Variants in NLGN4X observed in about 807,000 individuals in gnomAD.
The protein encoded by NLGN4X is neuroligin 4 X-linked.
In NLGN4X, 3 loss-of-function variants were observed where a neutral mutation model predicts 40.3. That is an observed-to-expected ratio of 0.07 (90% CI 0.03 to 0.19). NLGN4X has a LOEUF of 0.19. Among genes scored for constraint, NLGN4X ranks in the 10% least tolerant of loss-of-function variants. The pLI, the probability that NLGN4X is intolerant of heterozygous loss-of-function variation, is 1.00. For missense variants in NLGN4X, 382 were observed against 708.3 expected, an observed-to-expected ratio of 0.54 and a Z score of 5.23; for synonymous variants, 270 against 306.8, an observed-to-expected ratio of 0.88 and a Z score of 1.25.
rs1157468420 is a variant in NLGN4X, at chrX:6,116,391, C to CTTTTTTTTTTTTTTTTTT, written c.472+34586_472+34603dup. 3.1e-4 allele frequency among the ~76,000 whole-genome samples: 7 copies of CTTTTTTTTTTTTTTTTTT among 22,279 alleles called. 2 individuals carry two copies. Among genetic ancestry groups the CTTTTTTTTTTTTTTTTTT allele is most frequent in the African/African-American group, 1.3e-3 (7 of 5,350 alleles). 19.3% of individuals were successfully genotyped at this position (22,279 alleles called of 115,157 possible). A position where few individuals can be genotyped will look rare whatever the true frequency, so the allele number is the denominator to read the frequency against. On this transcript the variant is annotated intron_variant, in intron 2 of 5. Transcript: ENST00000381095. ...ACAAGTAGGTATTGAACCTTTCTTT[C>CTTTTTTTTTTTTTTTTTT]TTTTTTTTTTTTTTTTTTTTTTTTT...
At chrX:5,954,810 C>A (rs1017460689) in intron 3 of NLGN4X, among the ~76,000 whole-genome samples, 70 of 111,026 alleles carry the variant, frequency 6.3e-4, no homozygotes, top group African/African-American at 2.3e-3. Context: ...AAATATCTGG[C>A]TTTTAAACTT....
intron 3 of NLGN4X, among the ~76,000 whole-genome samples, chrX:5,958,386 AT>A (rs1259623275): frequency 9.0e-6 from 1 of 111,319 alleles, no homozygotes; most frequent in Non-Finnish European, 1.9e-5. Context: ...AAAATCCAGA[AT>A]TTTTTTCTGT....
intron 2 of NLGN4X, among the ~76,000 whole-genome samples, chrX:6,133,989 C>A (rs1351349944): frequency 1.8e-5 from 2 of 111,374 alleles, no homozygotes; most frequent in Non-Finnish European, 3.8e-5. Flanking sequence ...TATTTGTGTT[C>A]CATTAAACCC....
At chrX:6,036,148 T>C (rs753161425) in intron 2 of NLGN4X, among the ~76,000 whole-genome samples, 1 of 111,820 alleles carries the variant, frequency 8.9e-6, no homozygotes, top group East Asian at 2.8e-4. Flanking sequence ...TACTATATCT[T>C]TATAGTACCT....
chrX:6,219,571 TCTTCCTTC>T (rs1355228099), intron 1 of NLGN4X, among the ~76,000 whole-genome samples: 3 of 75,122 alleles, frequency 4.0e-5, no homozygotes, highest in Non-Finnish European at 7.4e-5. Context: ...TTTCTTTCTT[TCTTCCTTC>T]CTTCCTTCCT....
intron 1 of NLGN4X, among the ~76,000 whole-genome samples, chrX:6,221,456 G>A (rs1427867845): frequency 1.1e-5 from 1 of 90,368 alleles, no homozygotes; most frequent in Admixed American, 1.3e-4. Context: ...GTGTTGCAAT[G>A]GCTGAGAAAA....
chrX:5,918,751 C>G (rs546268205), intron 3 of NLGN4X, among the ~76,000 whole-genome samples: 4 of 112,097 alleles, frequency 3.6e-5, no homozygotes, highest in African/African-American at 9.7e-5. Context: ...TTCCTGTTAT[C>G]CTCAGCCACA....
chrX:6,210,185 G>C, intron 1 of NLGN4X, among the ~76,000 whole-genome samples: 1 of 111,045 alleles, frequency 9.0e-6, no homozygotes, highest in Non-Finnish European at 1.9e-5. Context: ...ACTTAACTGT[G>C]GGTTGGCAAA....
At chrX:6,181,971 A>AG (rs1921503423) in intron 1 of NLGN4X, among the ~76,000 whole-genome samples, 1 of 111,632 alleles carries the variant, frequency 9.0e-6, no homozygotes, top group Admixed American at 9.5e-5. Flanking sequence ...AGGTCATGGA[A>AG]GGCTCCCTTG....
chrX:6,171,545 T>C (rs1207493735), intron 1 of NLGN4X, among the ~76,000 whole-genome samples: 4 of 112,030 alleles, frequency 3.6e-5, no homozygotes, highest in African/African-American at 1.3e-4. Flanking sequence ...ATCACACAGC[T>C]TTCCAAGAAA....
chrX:6,053,495 G>A (rs187903793), intron 2 of NLGN4X, among the ~76,000 whole-genome samples: 106 of 110,803 alleles, frequency 9.6e-4, no homozygotes, highest in African/African-American at 3.3e-3. Context: ...GTTTCTCAGC[G>A]CTCAGATGGT....
chrX:5,934,895 A>G (rs2033682696), intron 3 of NLGN4X, among the ~76,000 whole-genome samples: 1 of 112,239 alleles, frequency 8.9e-6, no homozygotes, highest in African/African-American at 3.2e-5. Context: ...TGATGGTTTT[A>G]AGTACAACAA....
At chrX:5,933,990 T>C (rs1373576376) in intron 3 of NLGN4X, among the ~76,000 whole-genome samples, 1 of 111,336 alleles carries the variant, frequency 9.0e-6, no homozygotes, top group Non-Finnish European at 1.9e-5. Flanking sequence ...AACTAGAACA[T>C]AGGAACATAA....
intron 1 of NLGN4X, among the ~76,000 whole-genome samples, chrX:6,167,969 AG>A (rs2040531728): frequency 8.9e-6 from 1 of 112,143 alleles, no homozygotes; most frequent in African/African-American, 3.2e-5. Flanking sequence ...CTGTATAGAT[AG>A]GATTTTTAAA....
intron 1 of NLGN4X, among the ~76,000 whole-genome samples, chrX:6,228,282 A>G (rs1334530494): frequency 1.8e-5 from 2 of 111,558 alleles, no homozygotes; most frequent in East Asian, 5.6e-4. Flanking sequence ...TTCTGTGGAG[A>G]GGTTGCATGT....
chrX:6,071,373 T>C (rs2038060749), intron 2 of NLGN4X, among the ~76,000 whole-genome samples: 1 of 109,517 alleles, frequency 9.1e-6, no homozygotes, highest in Non-Finnish European at 1.9e-5. Context: ...GGGGGGAGAG[T>C]AATACGCCCA....
At chrX:6,003,434 A>G (rs938113935) in intron 3 of NLGN4X, among the ~76,000 whole-genome samples, 1 of 112,354 alleles carries the variant, frequency 8.9e-6, no homozygotes, top group Admixed American at 9.4e-5. Flanking sequence ...GCTTCTCATG[A>G]CCTTCGTTGT....
At chrX:6,027,997 A>C (rs191501029) in intron 3 of NLGN4X, among the ~76,000 whole-genome samples, 200 of 109,794 alleles carry the variant, frequency 1.8e-3, no homozygotes, top group African/African-American at 6.3e-3. Context: ...TTGTATTTTT[A>C]GTAGAGACAG....
intron 3 of NLGN4X, among the ~76,000 whole-genome samples, chrX:5,972,270 A>G (rs1282969994): frequency 9.0e-6 from 1 of 110,886 alleles, no homozygotes; most frequent in African/African-American, 3.3e-5. Flanking sequence ...TAAAGTATTC[A>G]GGTTTAAGAC....
Sources: gnomAD v4.1 joint callset for allele counts (sites outside exome capture counted in the v4.1 genomes callset) on GRCh38, gnomAD v4.1.1 for gene constraint, MANE v1.5 for transcripts, NCBI Gene and HGNC (gene_info 2026-07-23, HGNC 2026-07-21) for gene names.